GMIP: variants seen among roughly 807,000 people sequenced by gnomAD.
GMIP encodes the protein GEM-interacting protein.
GMIP carries 54 observed loss-of-function variants against 105.3 expected under a neutral mutation model. The ratio of observed to expected loss-of-function variants is 0.51; its 90% CI spans 0.41 to 0.64. GMIP has a LOEUF of 0.64. Among genes scored for constraint, GMIP ranks in the 30% least tolerant of loss-of-function variants. GMIP has a pLI of 0.00. For synonymous variants in GMIP, 541 were observed against 560.8 expected (o/e 0.96, Z 0.50); for missense variants, 1,110 against 1,319.4 (o/e 0.84, Z 2.46).
At chr19:19,632,529 T>C (rs2061807295) in intron 19 of GMIP, among the ~76,000 whole-genome samples, 1 of 151,906 alleles carries the variant, frequency 6.6e-6, no homozygotes, top group South Asian at 2.1e-4. Flanking sequence ...TGAGATTCTG[T>C]CTCCAAAAAA....
At chr19:19,639,894 C>A (rs2061899617) in intron 7 of GMIP, among the ~76,000 whole-genome samples, 191 bp downstream of exon 7, 1 of 152,104 alleles carries the variant, frequency 6.6e-6, no homozygotes, top group African/African-American at 2.4e-5. Context: ...ACAGGAAGCC[C>A]AGCTTGAATC....
rs2061847713 is a variant in GMIP, at chr19:19,635,757, A to G, written c.1328-36T>C. Reference sequence around the variant, plus strand: ...AGGAATCATGGGAGATTCCTGGGCTATGGGAGGCACTCCTGGTTTTTAGGG... The same window carrying G: ...AGGAATCATGGGAGATTCCTGGGCTGTGGGAGGCACTCCTGGTTTTTAGGG... On this transcript the variant is annotated intron_variant, in intron 13 of 20. Transcript: ENST00000203556. This position sits in a 1 kb window ranked among gnomAD's most constrained non-coding sequence, Gnocchi z 4.7. 1.3e-6 allele frequency: 2 copies of G among 1,570,806 alleles called. No individual in the cohort carries two copies. Among genetic ancestry groups the G allele is most frequent in the African/African-American group, 1.3e-5 (1 of 74,112 alleles).
rs549815830 is a variant in GMIP at position 19,637,406 on chromosome 19, C to A, written c.1083G>T (p.Pro361=). The A allele has an allele frequency of 1.4e-6, 2 of 1,480,178 alleles. No homozygotes were observed. The highest frequency in any genetic ancestry group is 1.5e-5 in the African/African-American group (1 of 68,368). The allele number at this position is 1,480,178 out of a possible 1,614,324, so 91.7% of individuals were successfully genotyped here. ...ALRPEAPPPP[P]PAFSFQEFLP... ...GGAACTCCTGGAAGGAGAAGGCGGG[C>A]GGCGGGGGCGGCGGGGCCTCGGGCC... The change falls in exon 11 of 21, where the codon CCG becomes CCT. Residue 361 remains proline (P), a synonymous_variant. Coordinates refer to ENST00000203556, the MANE Select transcript of GMIP (RefSeq NM_016573.4). This position sits in a 1 kb window ranked among gnomAD's most constrained non-coding sequence, Gnocchi z 6.7.
At chr19:19,638,121 C>T (rs528409923) in intron 9 of GMIP, 38 bp downstream of exon 9, 2 of 1,560,286 alleles carry the variant, frequency 1.3e-6, no homozygotes, top group Admixed American at 3.7e-5. Flanking sequence ...GGGCAGGGGG[C>T]GCCACAGCGC....
chr19:19,642,194 G>A, intron 2 of GMIP, 143 bp from the exon 3 acceptor site: 1 of 607,518 alleles, frequency 1.6e-6, no homozygotes, highest in Admixed American at 3.0e-5. Context: ...TGGTGTTTTG[G>A]GGGAATCAGG....
rs756939592 is a variant in GMIP, at chr19:19,630,277, G to A, written c.2599C>T (p.Arg867Cys). 7.1e-6 allele frequency: 11 copies of A among 1,550,180 alleles called. No individual in the cohort carries two copies. Among genetic ancestry groups the A allele is most frequent in the South Asian group, 1.2e-5 (1 of 81,040 alleles). Residue 867 changes from arginine to cysteine, a missense_variant, in exon 21 of 21, where the codon CGC (arginine) becomes TGC (cysteine). Physicochemically the swap from Arg to Cys is radical, Grantham distance 180. Transcript: ENST00000203556. This position sits in a 1 kb window ranked among gnomAD's most constrained non-coding sequence, Gnocchi z 4.8. ...CCCCGGGGATACTTCACTGGCTGGCGGCTGAAGTGGCCACGAGACTGTGTC... is the reference window on the plus strand; with the variant it reads ...CCCCGGGGATACTTCACTGGCTGGCAGCTGAAGTGGCCACGAGACTGTGTC... ...LGTQSRGHFS[R>C]QPVKYPRGGV...
chr19:19,635,593 T>A lies in GMIP; in HGVS notation c.1406-24A>T. 1.2e-6 allele frequency: 2 copies of A among 1,613,056 alleles called. No individual in the cohort carries two copies. Among genetic ancestry groups the A allele is most frequent in the Non-Finnish European group, 1.7e-6 (2 of 1,179,360 alleles). ...GTCTGCAGGGAGACAGGGTCAGGAGTGCCTGGTGCCCTGCCCTGTCCCATC... is the reference window on the plus strand; with the variant it reads ...GTCTGCAGGGAGACAGGGTCAGGAGAGCCTGGTGCCCTGCCCTGTCCCATC... On this transcript the variant is annotated intron_variant, in intron 14 of 20. Transcript: ENST00000203556. The surrounding 1 kb of genome is among the most constrained non-coding windows in gnomAD (Gnocchi z 4.7).
In GMIP at chr19:19,629,636, CAGGTGTCAGAGACTAGGGTGGACCCCA is replaced by C. The variant is rs1044576540; in HGVS notation, c.*300_*326del. ...CAAAGTAGCAAAAGCACCCCTGTCC[CAGGTGTCAGAGACTAGGGTGGACCCCA>C]AGGATCTCATAACCTGCACTGACCC... On this transcript the variant is annotated 3_prime_UTR_variant, in exon 21 of 21. Transcript: ENST00000203556. 38 of 287,016 alleles carry C rather than the reference CAGGTGTCAGAGACTAGGGTGGACCCCA, an allele frequency of 1.3e-4. No homozygotes were observed. The highest frequency in any genetic ancestry group is 7.9e-4 in the African/African-American group (36 of 45,322). 17.8% of individuals were successfully genotyped at this position (287,016 alleles called of 1,614,324 possible).
At chr19:19,631,698 C>T (rs557169348) in intron 19 of GMIP, among the ~76,000 whole-genome samples, 7 of 152,304 alleles carry the variant, frequency 4.6e-5, no homozygotes, top group African/African-American at 7.2e-5. Flanking sequence ...AAAGATTCTA[C>T]GCCAGGCGGC....
chr19:19,640,388 G>A (rs1178691630), intron 5 of GMIP, 28 bp from the exon 6 acceptor site: 1 of 1,614,016 alleles, frequency 6.2e-7, no homozygotes, highest in East Asian at 2.2e-5. Flanking sequence ...CGGGCTCTGG[G>A]TCTAGCTGGG....
chr19:19,634,331 T>A lies in GMIP; in HGVS notation c.2085-141A>T, dbSNP rs2061827842. 9.6e-7 allele frequency: 1 copy of A among 1,037,394 alleles called. No individual in the cohort carries two copies. Among genetic ancestry groups the A allele is most frequent in the African/African-American group, 1.6e-5 (1 of 62,204 alleles). The allele number at this position is 1,037,394 out of a possible 1,614,324, so 64.3% of individuals were successfully genotyped here. ...GTCGTCTGAGACCAGCAGCCACATA[T>A]CCAGAACTGGAGGTCAGGGGTCAGT... On this transcript the variant is annotated intron_variant, in intron 18 of 20. Coordinates refer to ENST00000203556, the MANE Select transcript of GMIP (RefSeq NM_016573.4). The surrounding 1 kb of genome is among the most constrained non-coding windows in gnomAD (Gnocchi z 6.1).
In GMIP at chr19:19,640,141, T is replaced by C. The variant is rs776064574; in HGVS notation, c.481A>G (p.Ser161Gly). The change falls in exon 7 of 21, where the codon AGC becomes GGC. Residue 161 changes from serine to glycine, a missense_variant. Transcript: ENST00000203556. ...GTCTCCATGGCCAGGGTTCCCAGGC[T>C]GAGATCGTGCTCCAGAAACAGGGTG... ...IYTLFLEHDLSLGTLAMETVA... is the reference protein window; with the variant it reads ...IYTLFLEHDLGLGTLAMETVA... 6 of 1,613,844 alleles carry C rather than the reference T, an allele frequency of 3.7e-6. No individual in the cohort carries two copies. The South Asian group carries it at 5.5e-5, about 15-fold the overall frequency.
Position 19,641,824 on chromosome 19 carries a change from G to A in GMIP, c.224C>T (p.Pro75Leu). Residue 75 changes from proline to leucine, a missense_variant, in exon 4 of 21, where the codon CCT becomes CTT. Physicochemically the swap from Pro to Leu is moderately conservative, Grantham distance 98. Transcript: ENST00000203556. The stretch of plus-strand genomic sequence containing the variant: ...GACCCCCCTACCTGTGAGGGGTACA[G>A]GACCCTCTGGGGAGGGGCCGCTCCA... ...SCWSGPSPEGPVPLTGEELDL... is the reference protein window; with the variant it reads ...SCWSGPSPEGLVPLTGEELDL... 3 of 1,611,710 alleles carry A rather than the reference G, an allele frequency of 1.9e-6. No individual in the cohort carries two copies. The highest frequency in any genetic ancestry group is 1.1e-5 in the South Asian group (1 of 90,874).
At position 19,636,690 on chromosome 19, in the gene GMIP, C is replaced by T; in HGVS notation, c.1327+17G>A. Reference sequence around the variant, plus strand: ...GTCACAGGTGGAGTGTGGGTCAGGACCAGGTCCTATCCCTACCTGGGCTGG... The same window carrying T: ...GTCACAGGTGGAGTGTGGGTCAGGATCAGGTCCTATCCCTACCTGGGCTGG... On this transcript the variant is annotated intron_variant, in intron 13 of 20. Coordinates refer to ENST00000203556, the MANE Select transcript of GMIP (RefSeq NM_016573.4). 1 of 1,583,602 alleles carries T rather than the reference C, an allele frequency of 6.3e-7. No homozygotes were observed. The highest frequency in any genetic ancestry group is 1.1e-5 in the South Asian group (1 of 90,424).
intron 1 of GMIP, chr19:19,643,207 TC>T (rs1218485274): frequency 2.7e-6 from 1 of 372,808 alleles, no homozygotes; most frequent in East Asian, 4.3e-5. Flanking sequence ...CGTTGCCCTC[TC>T]CCTCAGCAGT....
chr19:19,640,020 A>C, intron 7 of GMIP, 65 bp downstream of exon 7: 8 of 869,056 alleles, frequency 9.2e-6, no homozygotes, highest in Non-Finnish European at 1.5e-5. Flanking sequence ...AAACGAGGGG[A>C]TCAGGCCTGA....
rs200584353 is a variant in GMIP, at chr19:19,630,000, G to A, written c.2876C>T (p.Pro959Leu). The A allele has an allele frequency of 4.7e-5, 75 of 1,608,814 alleles. No homozygotes were observed. The highest frequency in any genetic ancestry group is 1.7e-4 in the Middle Eastern group (1 of 6,050). Reference sequence around the variant, plus strand: ...CTCGGCTTCCTCAGGCTGGACGTCCGGGCAGCAGGTGGCCCTGGGCACAGC... The same window carrying A: ...CTCGGCTTCCTCAGGCTGGACGTCCAGGCAGCAGGTGGCCCTGGGCACAGC... ...SEAVPRATCCPDVQPEEAEDH... is the reference protein window; with the variant it reads ...SEAVPRATCCLDVQPEEAEDH... Residue 959 changes from proline (P) to leucine (L), a missense_variant, in exon 21 of 21, where the codon CCG becomes CTG. By Grantham distance (98) the Pro-to-Leu change is moderately conservative. Around this residue, in one of 3 missense-constraint regions of GMIP, gnomAD observed 394 missense variants for 450.5 expected, o/e 0.87. Coordinates refer to ENST00000203556, the MANE Select transcript of GMIP (RefSeq NM_016573.4).
chr19:19,638,358 C>G (rs1311404360), intron 8 of GMIP, 29 bp from the exon 9 acceptor site: 1 of 1,614,076 alleles, frequency 6.2e-7, no homozygotes, highest in East Asian at 2.2e-5. Flanking sequence ...GTCAGCGTCC[C>G]GGCCTCTCTC....
Position 19,641,876 on chromosome 19 carries a change from GA to G in GMIP, c.181-10del. ...CAGCTGGCTTCGTTGGTCTGTGCGG[GA>G]GGGAGACAGTATTCAGAAGCAAACA... On this transcript the variant is annotated splice_polypyrimidine_tract_variant and intron_variant, in intron 3 of 20. Transcript: ENST00000203556. 6.2e-7 allele frequency: 1 copy of G among 1,613,354 alleles called. No homozygotes were observed. Among genetic ancestry groups the G allele is most frequent in the South Asian group, 1.1e-5 (1 of 91,014 alleles).
Sources: gnomAD v4.1 joint callset for allele counts (sites outside exome capture counted in the v4.1 genomes callset) on GRCh38, gnomAD v4.1.1 for gene constraint, gnomAD v4.1.1 regional missense constraint, Gnocchi (gnomAD v3.1) non-coding constraint, MANE v1.5 for transcripts, NCBI Gene and HGNC (gene_info 2026-07-23, HGNC 2026-07-21) for gene names.